Variants in FCHO2 observed in about 807,000 individuals in gnomAD.
The protein encoded by FCHO2 is F-BAR domain only protein 2.
FCHO2 carries 43 observed loss-of-function variants against 114.1 expected under a neutral mutation model. That is an observed-to-expected ratio of 0.38 (90% confidence interval 0.30 to 0.49). The LOEUF is 0.49. Among genes scored for constraint, FCHO2 ranks in the 20% least tolerant of loss-of-function variants. FCHO2 has a pLI of 0.97. For synonymous variants in FCHO2, 293 were observed against 315.2 expected, an observed-to-expected ratio of 0.93 and a Z score of 0.75; for missense variants, 807 against 950.4, an observed-to-expected ratio of 0.85 and a Z score of 1.98.
At chr5:73,012,211 A>G (rs892911778) in intron 6 of FCHO2, among the ~76,000 whole-genome samples, 1 of 152,210 alleles carries the variant, frequency 6.6e-6, no homozygotes, top group African/African-American at 2.4e-5. Context: ...GGCAGCTATG[A>G]TGTCACTAGG....
chr5:73,038,477 C>T (rs924280120), intron 10 of FCHO2, among the ~76,000 whole-genome samples: 6 of 152,118 alleles, frequency 3.9e-5, no homozygotes, highest in African/African-American at 1.4e-4. Context: ...ATTTGTTGAC[C>T]CACCAACATT....
At chr5:73,051,592 A>G (rs1314407430) in intron 12 of FCHO2, among the ~76,000 whole-genome samples, 186 bp downstream of exon 12, 2 of 151,816 alleles carry the variant, frequency 1.3e-5, no homozygotes, top group African/African-American at 2.4e-5. Flanking sequence ...TTTGAGACAG[A>G]GTCTCGCTCT....
At chr5:73,033,940 A>C (rs757213240) in intron 8 of FCHO2, among the ~76,000 whole-genome samples, 5 of 152,128 alleles carry the variant, frequency 3.3e-5, no homozygotes, top group Non-Finnish European at 7.4e-5. Flanking sequence ...TCTACAATCT[A>C]TCTCTCATAG....
chr5:72,985,958 C>G (rs1226674719), intron 2 of FCHO2, among the ~76,000 whole-genome samples: 1 of 151,994 alleles, frequency 6.6e-6, no homozygotes, highest in African/African-American at 2.4e-5. Flanking sequence ...TTTTCTCTAA[C>G]TCATTCTTTC....
chr5:73,060,037 T>C (rs569006293), intron 17 of FCHO2, among the ~76,000 whole-genome samples: 1 of 152,128 alleles, frequency 6.6e-6, no homozygotes, highest in Non-Finnish European at 1.5e-5. Flanking sequence ...AATTTCTTTA[T>C]AATTCTGCTC....
At chr5:72,975,910 A>G (rs1042970078) in intron 2 of FCHO2, among the ~76,000 whole-genome samples, 7 of 152,216 alleles carry the variant, frequency 4.6e-5, no homozygotes, top group Admixed American at 3.3e-4. Flanking sequence ...AGTTTTGGCA[A>G]TTATGAATAC....
At chr5:73,021,417 TC>T (rs1755617870) in intron 8 of FCHO2, 1 of 278,812 alleles carries the variant, frequency 3.6e-6, no homozygotes, top group South Asian at 4.4e-5. Flanking sequence ...TCAAGTACCT[TC>T]ACTGAGGCCA....
intron 8 of FCHO2, among the ~76,000 whole-genome samples, chr5:73,028,408 A>G (rs888853058): frequency 6.6e-6 from 1 of 152,186 alleles, no homozygotes; most frequent in Non-Finnish European, 1.5e-5. Context: ...ATATGTGCAA[A>G]GACTTGCATA....
At chr5:73,012,709 C>T (rs1197509855) in intron 6 of FCHO2, among the ~76,000 whole-genome samples, 1 of 151,592 alleles carries the variant, frequency 6.6e-6, no homozygotes, top group Non-Finnish European at 1.5e-5. Flanking sequence ...CTAATTTGTT[C>T]AGGAAAGTTC....
intron 1 of FCHO2, among the ~76,000 whole-genome samples, chr5:72,965,360 T>C (rs1235740790): frequency 1.3e-5 from 2 of 152,202 alleles, no homozygotes; most frequent in African/African-American, 4.8e-5. Flanking sequence ...TAGCATTTTA[T>C]CTAAAAATGT....
At chr5:73,001,413 C>T (rs909734207) in intron 5 of FCHO2, among the ~76,000 whole-genome samples, 1 of 131,106 alleles carries the variant, frequency 7.6e-6, no homozygotes, top group Non-Finnish European at 1.5e-5. Flanking sequence ...TGCACCACTG[C>T]ACTACAGCCC....
chr5:72,964,932 T>G (rs1485291623), intron 1 of FCHO2, among the ~76,000 whole-genome samples: 2 of 152,122 alleles, frequency 1.3e-5, no homozygotes, highest in African/African-American at 4.8e-5. Flanking sequence ...GAATCATCCC[T>G]TTGTCCAGTG....
chr5:73,048,343 G>C (rs1471328551), intron 11 of FCHO2, among the ~76,000 whole-genome samples: 3 of 152,006 alleles, frequency 2.0e-5, no homozygotes, highest in Non-Finnish European at 4.4e-5. Flanking sequence ...CCAGCTGTTA[G>C]GGAGGCTGAG....
intron 8 of FCHO2, among the ~76,000 whole-genome samples, chr5:73,021,942 G>A (rs2112760722): frequency 6.6e-6 from 1 of 152,224 alleles, no homozygotes; most frequent in Non-Finnish European, 1.5e-5. Flanking sequence ...TTGATTTTCA[G>A]CAACTTTTTG....
At chr5:72,978,176 T>C (rs1232007127) in intron 2 of FCHO2, among the ~76,000 whole-genome samples, 1 of 152,244 alleles carries the variant, frequency 6.6e-6, no homozygotes, top group African/African-American at 2.4e-5. Flanking sequence ...GAGGATAGCA[T>C]TGAATCTATA....
In FCHO2 at chr5:73,052,291, G is replaced by C; in HGVS notation, c.998-41G>C. ...TAAATGTGTGAAAAACTGGTTATAC[G>C]TCTAAGGTAATTTAAAAACAATTCT... On this transcript the variant is annotated intron_variant, in intron 12 of 25. Coordinates refer to ENST00000430046, the MANE Select transcript of FCHO2 (RefSeq NM_138782.3). 3 of 1,537,156 alleles carry C rather than the reference G, an allele frequency of 2.0e-6. No homozygotes were observed. The South Asian group carries it at 3.6e-5, about 19-fold the overall frequency.
chr5:73,066,754 C>T (rs768514958), intron 18 of FCHO2, among the ~76,000 whole-genome samples: 2 of 151,734 alleles, frequency 1.3e-5, no homozygotes, highest in Non-Finnish European at 2.9e-5. Flanking sequence ...ATTAGCATCA[C>T]CAGGGAATTT....
rs113987436 is a variant in FCHO2 at position 73,021,806 on chromosome 5, G to T, written c.796+4498G>T. On this transcript the variant is annotated intron_variant, in intron 8 of 25. Coordinates refer to ENST00000430046, the MANE Select transcript of FCHO2 (RefSeq NM_138782.3). ...GGGCATTTAATGGCAAGATTAGGGTGTTAAGAAGGTTGGAATGGAGTGGCT... is the reference window on the plus strand; with the variant it reads ...GGGCATTTAATGGCAAGATTAGGGTTTTAAGAAGGTTGGAATGGAGTGGCT... 5.0e-3 allele frequency among the ~76,000 whole-genome samples: 760 copies of T among 152,322 alleles called. 6 individuals are homozygous for T. Among genetic ancestry groups the T allele is most frequent in the African/African-American group, 0.017 (720 of 41,572 alleles).
At chr5:73,025,925 A>C (rs1755892190) in intron 8 of FCHO2, among the ~76,000 whole-genome samples, 1 of 152,254 alleles carries the variant, frequency 6.6e-6, no homozygotes, top group South Asian at 2.1e-4. Context: ...CTGGCGGATG[A>C]GTTCCACCCT....
Sources: gnomAD v4.1 joint callset for allele counts (sites outside exome capture counted in the v4.1 genomes callset) on GRCh38, gnomAD v4.1.1 for gene constraint, MANE v1.5 for transcripts, NCBI Gene and HGNC (gene_info 2026-07-23, HGNC 2026-07-21) for gene names.